The following TRIP11 variants were observed in gnomAD, a reference collection of about 807,000 sequenced individuals.
TRIP11 encodes the protein thyroid receptor-interacting protein 11.
Under a neutral mutation model 223.1 loss-of-function variants are expected in TRIP11, and 148 were observed. The observed-to-expected ratio is 0.66, with a 90% confidence interval of 0.58 to 0.76. TRIP11 has a LOEUF of 0.76. Among genes scored for constraint, TRIP11 ranks in the 30% least tolerant of loss-of-function variants. TRIP11 has a pLI of 0.00. For missense variants in TRIP11, 2,043 were observed against 2,222.0 expected (o/e 0.92, Z 1.62); for synonymous variants, 762 against 772.6 (o/e 0.99, Z 0.23).
chr14:92,029,202 G>T (rs1052252463), intron 2 of TRIP11, among the ~76,000 whole-genome samples: 3 of 149,762 alleles, frequency 2.0e-5, no homozygotes, highest in Admixed American at 6.6e-5. Flanking sequence ...ACAAGAAAAC[G>T]GAAAACTTAT....
intron 7 of TRIP11, among the ~76,000 whole-genome samples, chr14:92,012,606 G>C (rs1176002880): frequency 6.6e-6 from 1 of 152,146 alleles, no homozygotes; most frequent in African/African-American, 2.4e-5. Context: ...TACCTGCACT[G>C]AATCAATATA....
chr14:92,028,333 G>A (rs190413292), intron 2 of TRIP11, among the ~76,000 whole-genome samples: 93 of 152,318 alleles, frequency 6.1e-4, no homozygotes, highest in Non-Finnish European at 1.1e-3. Flanking sequence ...GCTGAGGCAG[G>A]AGGATCACTT....
chr14:92,002,728 C>G (rs1046679612), intron 11 of TRIP11, among the ~76,000 whole-genome samples: 3 of 152,008 alleles, frequency 2.0e-5, no homozygotes, highest in African/African-American at 4.8e-5. Flanking sequence ...AGGCACCCAC[C>G]ACCATGCCTG....
chr14:92,039,546 C>T lies in TRIP11; in HGVS notation c.139+1G>A. On this transcript the variant is annotated splice_donor_variant, in intron 1 of 20. Transcript: ENST00000267622. LOFTEE classifies it high-confidence loss of function. ...CTCCCTTCCCTCGCTCCAGCTGTTA[C>T]CTTCCACTTCCTCCGTGCCCTCCAT... 1 of 1,613,772 alleles carries T rather than the reference C, an allele frequency of 6.2e-7. No homozygotes were observed. Among genetic ancestry groups the T allele is most frequent in the Non-Finnish European group, 8.5e-7 (1 of 1,179,872 alleles).
chr14:91,995,828 C>T (rs944219458), intron 13 of TRIP11, among the ~76,000 whole-genome samples: 11 of 152,194 alleles, frequency 7.2e-5, no homozygotes, highest in African/African-American at 2.6e-4. Flanking sequence ...GTTGGCCAGG[C>T]TGGTCTCAAA....
At chr14:92,033,061 C>T in intron 2 of TRIP11, 131 bp downstream of exon 2, 1 of 695,526 alleles carries the variant, frequency 1.4e-6, no homozygotes, top group South Asian at 1.7e-5. Flanking sequence ...GCTCAAAAAA[C>T]AATCAAAATT....
At position 91,968,092 on chromosome 14, in the gene TRIP11, C is replaced by A. The variant is rs2056357908; in HGVS notation, c.*1581G>T. The A allele has an allele frequency of 4.9e-6, 1 of 202,628 alleles. No individual in the cohort carries two copies. 12.6% of individuals were successfully genotyped at this position (202,628 alleles called of 1,614,324 possible). A position where few individuals can be genotyped will look rare whatever the true frequency, so the allele number is the denominator to read the frequency against. Reference sequence around the variant, plus strand: ...ATTAAGACTTCCAGTCTTCCAAATACATTAGAAAGTACAGTTAATCACAGT... The same window carrying A: ...ATTAAGACTTCCAGTCTTCCAAATAAATTAGAAAGTACAGTTAATCACAGT... On this transcript the variant is annotated 3_prime_UTR_variant, in exon 21 of 21. Coordinates refer to ENST00000267622, the MANE Select transcript of TRIP11 (RefSeq NM_004239.4).
chr14:92,010,780 T>C (rs1313875650), intron 9 of TRIP11, among the ~76,000 whole-genome samples: 1 of 151,936 alleles, frequency 6.6e-6, no homozygotes, highest in Non-Finnish European at 1.5e-5. Flanking sequence ...TACTAGCTTA[T>C]TTCTAAATAC....
In TRIP11 at chr14:91,969,762, T is replaced by A; in HGVS notation, c.5851A>T (p.Ile1951Phe). Residue 1951 changes from isoleucine to phenylalanine, a missense_variant, in exon 21 of 21, where the codon ATC (isoleucine) becomes TTC (phenylalanine). Physicochemically the swap from Ile to Phe is conservative, Grantham distance 21. Coordinates refer to ENST00000267622, the MANE Select transcript of TRIP11 (RefSeq NM_004239.4). ...GTAAATGTGGGCAAAACATCTGAGA[T>A]GGGTTTCAGAAGAAGATGCCCGGGC... The part of the protein sequence containing the change: ...GGPGHLLLKP[I>F]SDVLPTFTPL... 1.2e-6 allele frequency: 2 copies of A among 1,614,028 alleles called. No individual in the cohort carries two copies. The highest frequency in any genetic ancestry group is 1.7e-6 in the Non-Finnish European group (2 of 1,180,028).
chr14:91,977,086 TAGAAAC>T, intron 16 of TRIP11: 1 of 326,552 alleles, frequency 3.1e-6, no homozygotes, highest in Non-Finnish European at 6.1e-6. Flanking sequence ...GAGCTCTATC[TAGAAAC>T]ATTCACATCC....
At chr14:91,975,880 T>C (rs989463457) in intron 17 of TRIP11, among the ~76,000 whole-genome samples, 1 of 152,124 alleles carries the variant, frequency 6.6e-6, no homozygotes, top group Non-Finnish European at 1.5e-5. Context: ...CTCTTCTATA[T>C]GGTTTTAAGA....
chr14:91,985,949 T>A (rs2056599574), intron 16 of TRIP11, among the ~76,000 whole-genome samples: 1 of 152,222 alleles, frequency 6.6e-6, no homozygotes, highest in South Asian at 2.1e-4. Flanking sequence ...AAAAGTGATA[T>A]TAAAGCACTT....
Position 91,981,781 on chromosome 14 carries a change from A to G in TRIP11, c.5261-5592T>C, listed in dbSNP as rs2056548653. On this transcript the variant is annotated intron_variant, in intron 16 of 20. Transcript: ENST00000267622. ...TATATGGTAAATGTTTTGTTGTCCCATAATCATAATTGTTCACTGCTGAGT... is the reference window on the plus strand; with the variant it reads ...TATATGGTAAATGTTTTGTTGTCCCGTAATCATAATTGTTCACTGCTGAGT... Among the ~76,000 whole-genome samples, 3 of 152,348 alleles carry G rather than the reference A, an allele frequency of 2.0e-5. No individual in the cohort carries two copies. In the South Asian group the frequency reaches 6.2e-4, roughly 32 times the overall value.
intron 3 of TRIP11, among the ~76,000 whole-genome samples, 170 bp downstream of exon 3, chr14:92,025,140 A>G (rs958638042): frequency 1.3e-5 from 2 of 152,220 alleles, no homozygotes; most frequent in African/African-American, 4.8e-5. Flanking sequence ...ACATTACCTT[A>G]CAAAGTTCTT....
chr14:92,000,487 A>C (rs1269442291), intron 11 of TRIP11, among the ~76,000 whole-genome samples: 1 of 152,224 alleles, frequency 6.6e-6, no homozygotes, highest in Non-Finnish European at 1.5e-5. Flanking sequence ...AGCTGTGGCA[A>C]ATACCTCATA....
In TRIP11 at chr14:92,005,882, A is replaced by G; in HGVS notation, c.2094T>C (p.Ala698=). Reference sequence around the variant, plus strand: ...TTTCCAGAGAAAGCTGATTGTTACCAGCAAGACATTCTTCTAACTGATGCC... The same window carrying G: ...TTTCCAGAGAAAGCTGATTGTTACCGGCAAGACATTCTTCTAACTGATGCC... ...DVRHQLEECL[A]GNNQLSLEKN... is the part of the protein sequence containing the mutation. The change falls in exon 11 of 21, where the codon GCT becomes GCC. Residue 698 remains alanine (A), a synonymous_variant. Coordinates refer to ENST00000267622, the MANE Select transcript of TRIP11 (RefSeq NM_004239.4). The G allele has an allele frequency of 1.9e-6, 3 of 1,614,050 alleles. No individual in the cohort carries two copies. Among genetic ancestry groups the G allele is most frequent in the Non-Finnish European group, 2.5e-6 (3 of 1,180,008 alleles).
At chr14:92,003,322 T>C (rs2056851326) in intron 11 of TRIP11, 97 bp downstream of exon 11, 4 of 1,489,130 alleles carry the variant, frequency 2.7e-6, no homozygotes, top group Non-Finnish European at 3.7e-6. Context: ...AATGAACAAA[T>C]GCACAGTCCC....
intron 5 of TRIP11, among the ~76,000 whole-genome samples, chr14:92,016,902 T>C (rs1386132208): frequency 1.3e-5 from 2 of 152,188 alleles, no homozygotes; most frequent in African/African-American, 4.8e-5. Flanking sequence ...CTGACAATAA[T>C]TTTAACACTA....
chr14:91,969,148 C>T lies in TRIP11; in HGVS notation c.*525G>A. 4.1e-6 allele frequency: 1 copy of T among 243,712 alleles called. No homozygotes were observed. 15.1% of individuals were successfully genotyped at this position (243,712 alleles called of 1,614,324 possible). A position where few individuals can be genotyped will look rare whatever the true frequency, so the allele number is the denominator to read the frequency against. ...TGCACAGGACCAAATACATACTTCA[C>T]CTCAGGGAACCTATGACCTTCCAGC... On this transcript the variant is annotated 3_prime_UTR_variant, in exon 21 of 21. Coordinates refer to ENST00000267622, the MANE Select transcript of TRIP11 (RefSeq NM_004239.4).
Sources: allele counts gnomAD v4.1 joint callset (sites outside exome capture counted in the v4.1 genomes callset), GRCh38; gene constraint gnomAD v4.1.1; transcripts MANE v1.5; gene names NCBI Gene and HGNC (gene_info 2026-07-23, HGNC 2026-07-21).